Variants in PLXDC1 observed in about 807,000 individuals in gnomAD.
PLXDC1 encodes plexin domain containing 1.
In PLXDC1, 39 loss-of-function variants were observed where a neutral mutation model predicts 61.3. The ratio of observed to expected loss-of-function variants is 0.64; its 90% CI spans 0.49 to 0.83. PLXDC1 has a LOEUF of 0.83. Ranked by LOEUF, PLXDC1 falls within the 40% of genes least tolerant of loss-of-function variation. PLXDC1 has a pLI of 0.00. For synonymous variants in PLXDC1, 212 were observed against 254.5 expected (o/e 0.83, Z 1.59); for missense variants, 596 against 666.5 (o/e 0.89, Z 1.17).
upstream of PLXDC1, chr17:39,152,700 G>A (rs570013041): frequency 1.4e-5 from 17 of 1,233,356 alleles, no homozygotes; most frequent in Admixed American, 2.5e-4. Context: ...TTTCCAGGAG[G>A]AGGGATATGG....
chr17:39,071,640 G>A (rs1368149673), intron 12 of PLXDC1, among the ~76,000 whole-genome samples: 1 of 152,164 alleles, frequency 6.6e-6, no homozygotes, highest in Non-Finnish European at 1.5e-5. Flanking sequence ...ATGATTTGAT[G>A]ATGAAGGCTT....
intron 7 of PLXDC1, among the ~76,000 whole-genome samples, chr17:39,095,722 T>C (rs1157355674): frequency 6.6e-6 from 1 of 152,046 alleles, no homozygotes; most frequent in East Asian, 1.9e-4. Flanking sequence ...TGGAGTGCAG[T>C]GGCACAATCT....
At chr17:39,098,540 T>A (rs1210633638) in intron 7 of PLXDC1, among the ~76,000 whole-genome samples, 1 of 152,198 alleles carries the variant, frequency 6.6e-6, no homozygotes, top group Non-Finnish European at 1.5e-5. Context: ...CCCAAGGAAT[T>A]CACACCTAGC....
intron 1 of PLXDC1, among the ~76,000 whole-genome samples, chr17:39,146,948 A>ATTTTTTTTTTTTTTTTTTTTTTTT (rs869300584): frequency 2.7e-5 from 2 of 74,686 alleles, no homozygotes; most frequent in Non-Finnish European, 4.9e-5. Context: ...ACAGGAAATG[A>ATTTTTTTTTTTTTTTTTTTTTTTT]TTTTTTTTTT....
At chr17:39,134,406 G>T (rs1911668982) in intron 2 of PLXDC1, among the ~76,000 whole-genome samples, 1 of 151,804 alleles carries the variant, frequency 6.6e-6, no homozygotes, top group South Asian at 2.1e-4. Flanking sequence ...CGGGTGGATT[G>T]CCTGAGCTCA....
At chr17:39,121,970 G>A (rs1911172595) in intron 2 of PLXDC1, among the ~76,000 whole-genome samples, 1 of 151,520 alleles carries the variant, frequency 6.6e-6, no homozygotes. Flanking sequence ...GGTGGTGGGC[G>A]CCTGTAATCC....
intron 7 of PLXDC1, among the ~76,000 whole-genome samples, chr17:39,091,152 C>A (rs1909934163): frequency 6.6e-6 from 1 of 152,222 alleles, no homozygotes; most frequent in Non-Finnish European, 1.5e-5. Context: ...ATTACTGTTT[C>A]TTGCTTTTGC....
In PLXDC1 at chr17:39,139,701, C is replaced by T. The variant is rs1911870545; in HGVS notation, c.208G>A (p.Gly70Ser). ...GGCAGCGTGTCCATGGCCAGGGTGCCCCCACCCAGGTCCTGGCTCAGCTGG... is the reference window on the plus strand; with the variant it reads ...GGCAGCGTGTCCATGGCCAGGGTGCTCCCACCCAGGTCCTGGCTCAGCTGG... ...RTQLSQDLGGGTLAMDTLPDN... is the reference protein window; with the variant it reads ...RTQLSQDLGGSTLAMDTLPDN... The change falls in exon 2 of 14, where the codon GGC (glycine) becomes AGC (serine). Residue 70 changes from glycine (G) to serine (S), a missense_variant. Physicochemically the swap from Gly to Ser is moderately conservative, Grantham distance 56. Coordinates refer to ENST00000315392, the MANE Select transcript of PLXDC1 (RefSeq NM_020405.5). 1 of 1,613,970 alleles carries T rather than the reference C, an allele frequency of 6.2e-7. No homozygotes were observed. The highest frequency in any genetic ancestry group is 8.5e-7 in the Non-Finnish European group (1 of 1,179,980).
intron 4 of PLXDC1, 198 bp downstream of exon 4, chr17:39,108,706 A>C: frequency 1.7e-6 from 1 of 601,978 alleles, no homozygotes; most frequent in Non-Finnish European, 3.0e-6. Flanking sequence ...GTGCAGGCAC[A>C]TGAGCAGGTC....
intron 2 of PLXDC1, among the ~76,000 whole-genome samples, chr17:39,124,498 TAGG>T (rs2143808241): frequency 6.6e-6 from 1 of 152,112 alleles, no homozygotes; most frequent in Admixed American, 6.5e-5. Flanking sequence ...GAGGCTGAGG[TAGG>T]AGGATCACTG....
intron 7 of PLXDC1, among the ~76,000 whole-genome samples, chr17:39,102,321 G>A (rs187953748): frequency 6.6e-6 from 1 of 152,264 alleles, no homozygotes; most frequent in Admixed American, 6.5e-5. Flanking sequence ...CACACGGCAA[G>A]CGAAAGAGTA....
chr17:39,110,507 C>T (rs950667432), intron 2 of PLXDC1, among the ~76,000 whole-genome samples: 4 of 152,178 alleles, frequency 2.6e-5, no homozygotes, highest in South Asian at 2.1e-4. Context: ...CAGAGAGGGG[C>T]GATGTGGAAG....
At chr17:39,140,204 C>T (rs987024435) in intron 1 of PLXDC1, among the ~76,000 whole-genome samples, 11 of 152,218 alleles carry the variant, frequency 7.2e-5, no homozygotes, top group Non-Finnish European at 1.5e-4. Flanking sequence ...CTCAGCTATA[C>T]ACTGGAGTCA....
chr17:39,128,303 CA>C (rs1345446892), intron 2 of PLXDC1, among the ~76,000 whole-genome samples: 1 of 150,948 alleles, frequency 6.6e-6, no homozygotes, highest in African/African-American at 2.4e-5. Flanking sequence ...CTGCAACCTC[CA>C]CCTCCTGGGT....
chr17:39,151,233 T>C lies in PLXDC1; in HGVS notation c.76+129A>G. 1 of 645,334 alleles carries C rather than the reference T, an allele frequency of 1.5e-6. No homozygotes were observed. Among genetic ancestry groups the C allele is most frequent in the Non-Finnish European group, 2.2e-6 (1 of 450,852 alleles). The allele number at this position is 645,334 out of a possible 1,614,324, so 40.0% of individuals were successfully genotyped here. A position where few individuals can be genotyped will look rare whatever the true frequency, so the allele number is the denominator to read the frequency against. On this transcript the variant is annotated intron_variant, in intron 1 of 13. Transcript: ENST00000315392. This position sits in a 1 kb window ranked among gnomAD's most constrained non-coding sequence, Gnocchi z 5.2. ...TCCACCTGCCCACAGCCCACAGCTCTCCTGGCCTCCTGCGGACAATGCCCC... is the reference window on the plus strand; with the variant it reads ...TCCACCTGCCCACAGCCCACAGCTCCCCTGGCCTCCTGCGGACAATGCCCC...
intron 1 of PLXDC1, among the ~76,000 whole-genome samples, chr17:39,150,631 TA>T (rs2045366626): frequency 6.6e-6 from 1 of 151,726 alleles, no homozygotes; most frequent in Non-Finnish European, 1.5e-5. Context: ...GGAGAACTGG[TA>T]GGGGGGAAGA....
chr17:39,090,568 T>G (rs1567757880), intron 7 of PLXDC1, among the ~76,000 whole-genome samples: 1 of 152,168 alleles, frequency 6.6e-6, no homozygotes, highest in Non-Finnish European at 1.5e-5. Flanking sequence ...TTACCGCCTG[T>G]GTGACCTTGG....
intron 2 of PLXDC1, among the ~76,000 whole-genome samples, chr17:39,138,292 G>A (rs1911819275): frequency 6.6e-6 from 1 of 152,142 alleles, no homozygotes; most frequent in South Asian, 2.1e-4. Flanking sequence ...GCTACGGTAG[G>A]CACAGAAAAC....
Position 39,098,591 on chromosome 17 carries a change from T to C in PLXDC1, c.811+7263A>G, listed in dbSNP as rs1476160783. ...GTTCTATGTTAAGAGTATCAGCATT[T>C]GTTCTCGCCACCACTAGAAAGAAAA... is the stretch of plus-strand genomic sequence containing the variant. On this transcript the variant is annotated intron_variant, in intron 7 of 13. Coordinates refer to ENST00000315392, the MANE Select transcript of PLXDC1 (RefSeq NM_020405.5). 3.3e-5 allele frequency among the ~76,000 whole-genome samples: 5 copies of C among 152,250 alleles called. No individual in the cohort carries two copies. In the East Asian group the frequency reaches 9.6e-4, roughly 29 times the overall value.
Sources: gnomAD v4.1 joint callset for allele counts (sites outside exome capture counted in the v4.1 genomes callset) on GRCh38, gnomAD v4.1.1 for gene constraint, Gnocchi (gnomAD v3.1) non-coding constraint, MANE v1.5 for transcripts, NCBI Gene and HGNC (gene_info 2026-07-23, HGNC 2026-07-21) for gene names.